The following TRERF1 variants were observed in gnomAD, a reference collection of about 807,000 sequenced individuals.
TRERF1 encodes the protein transcriptional-regulating factor 1.
A neutral mutation model predicts 122.9 loss-of-function variants in TRERF1; 27 were observed. The observed-to-expected ratio is 0.22, with a 90% CI of 0.16 to 0.30. The LOEUF (loss-of-function observed/expected upper bound fraction) is 0.30. Among genes scored for constraint, TRERF1 ranks in the 10% least tolerant of loss-of-function variants. The probability of loss-of-function intolerance (pLI) is 1.00; values close to 1 mark genes in which losing one functional copy is unlikely to be tolerated. For missense variants in TRERF1, 1,248 were observed against 1,560.3 expected (o/e 0.80, Z 3.37); for synonymous variants, 636 against 641.7 (o/e 0.99, Z 0.13).
intron 2 of TRERF1, among the ~76,000 whole-genome samples, chr6:42,369,949 A>C (rs1417481521): frequency 6.6e-6 from 1 of 151,948 alleles, no homozygotes; most frequent in African/African-American, 2.4e-5. Context: ...GTCCCTCTAA[A>C]CCTACCCTTC....
chr6:42,382,872 C>T (rs1776179879), intron 2 of TRERF1, among the ~76,000 whole-genome samples: 1 of 152,052 alleles, frequency 6.6e-6, no homozygotes, highest in South Asian at 2.1e-4. Flanking sequence ...CTCTCCATCT[C>T]CCAGGACACA....
rs893594749 is a variant in TRERF1, at chr6:42,259,411, C to A, written c.2197G>T (p.Gly733Cys). The A allele has an allele frequency of 6.4e-7, 1 of 1,550,718 alleles. No individual in the cohort carries two copies. Among genetic ancestry groups the A allele is most frequent in the Non-Finnish European group, 8.6e-7 (1 of 1,156,608 alleles). Residue 733 changes from glycine to cysteine, a missense_variant, in exon 9 of 18, where the codon GGC becomes TGC. Physicochemically the swap from Gly to Cys is radical, Grantham distance 159. Transcript: ENST00000372922. This position sits in a 1 kb window ranked among gnomAD's most constrained non-coding sequence, Gnocchi z 4.9. The stretch of plus-strand genomic sequence containing the variant: ...GGCAGCTGCGGGTGGGCGCCAGGGC[C>A]GTGGCCGGAGATGAGGACATTGCTG...
chr6:42,367,542 G>A (rs1173665020), intron 2 of TRERF1, among the ~76,000 whole-genome samples: 1 of 152,194 alleles, frequency 6.6e-6, no homozygotes, highest in African/African-American at 2.4e-5. Flanking sequence ...TCTGTGTGGA[G>A]GAGAGGCGTG....
At position 42,268,911 on chromosome 6, in the gene TRERF1, G is replaced by A; in HGVS notation, c.680C>T (p.Pro227Leu). 6.2e-7 allele frequency: 1 copy of A among 1,613,260 alleles called. No homozygotes were observed. The highest frequency in any genetic ancestry group is 8.5e-7 in the Non-Finnish European group (1 of 1,179,324). Residue 227 changes from proline (P) to leucine (L), a missense_variant, in exon 5 of 18, where the codon CCT becomes CTT. Pro to Leu is a moderately conservative substitution (Grantham distance 98). Around this residue, in one of 5 missense-constraint regions of TRERF1, gnomAD observed 946 missense variants for 1,073.0 expected, o/e 0.88. Transcript: ENST00000372922. The surrounding 1 kb of genome is among the most constrained non-coding windows in gnomAD (Gnocchi z 4.4). ...GTCATAATACAGGTGCCCTTGGGTA[G>A]GGTGCTGCCCGACCTGAAGAGCTGG...
At chr6:42,338,405 C>G (rs564093503) in intron 3 of TRERF1, among the ~76,000 whole-genome samples, 11 of 152,080 alleles carry the variant, frequency 7.2e-5, no homozygotes, top group Non-Finnish European at 1.0e-4. Flanking sequence ...CCCGCACACA[C>G]GCATGTGCAC....
chr6:42,373,862 T>C (rs1581855197), intron 2 of TRERF1, among the ~76,000 whole-genome samples: 1 of 140,940 alleles, frequency 7.1e-6, no homozygotes, highest in Non-Finnish European at 1.5e-5. Context: ...AGGCCGGGCG[T>C]GGTGGCTCAC....
At chr6:42,283,650 CTT>C (rs1782697112) in intron 4 of TRERF1, among the ~76,000 whole-genome samples, 1 of 105,690 alleles carries the variant, frequency 9.5e-6, no homozygotes, top group Non-Finnish European at 1.8e-5. Flanking sequence ...GAGTTTTGCT[CTT>C]GTTGCCTAGG....
At chr6:42,334,675 C>A (rs1419758221) in intron 3 of TRERF1, among the ~76,000 whole-genome samples, 1 of 152,168 alleles carries the variant, frequency 6.6e-6, no homozygotes, top group Non-Finnish European at 1.5e-5. Context: ...GCTTATGGCC[C>A]CAACTCCCTC....
chr6:42,443,012 T>C lies in TRERF1; in HGVS notation c.-454+8165A>G, dbSNP rs141922485. Among the ~76,000 whole-genome samples the C allele has an allele frequency of 8.5e-5, 13 of 152,376 alleles. No individual in the cohort carries two copies. In the East Asian group the frequency reaches 2.3e-3, roughly 27 times the overall value. On this transcript the variant is annotated intron_variant, in intron 2 of 17. Transcript: ENST00000372922. ...GTTGTTGCAGAACACAAATAAGATA[T>C]GTCAAAGAGGCTTTGGAACTACAAA...
intron 3 of TRERF1, among the ~76,000 whole-genome samples, chr6:42,337,246 T>A (rs916634438): frequency 6.6e-6 from 1 of 152,188 alleles, no homozygotes; most frequent in East Asian, 1.9e-4. Flanking sequence ...CTGGACCAGC[T>A]GTGTGCAGCC....
At chr6:42,433,772 C>T (rs1248535826) in intron 2 of TRERF1, among the ~76,000 whole-genome samples, 1 of 152,108 alleles carries the variant, frequency 6.6e-6, no homozygotes, top group Non-Finnish European at 1.5e-5. Flanking sequence ...AATCCCAGCA[C>T]TTTGGGAGGC....
At position 42,269,821 on chromosome 6, in the gene TRERF1, C is replaced by A; in HGVS notation, c.-231G>T. 4 of 1,235,150 alleles carry A rather than the reference C, an allele frequency of 3.2e-6. No individual in the cohort carries two copies. The highest frequency in any genetic ancestry group is 4.3e-6 in the Non-Finnish European group (4 of 932,106). The allele number at this position is 1,235,150 out of a possible 1,614,324, so 76.5% of individuals were successfully genotyped here. ...CCTGGCTGAGGTATAGACCACACAG[C>A]ACTGTGGTGAGGAGACGTCGCTCAC... On this transcript the variant is annotated 5_prime_UTR_variant, in exon 5 of 18. Coordinates refer to ENST00000372922, the Ensembl canonical transcript of TRERF1. This position sits in a 1 kb window ranked among gnomAD's most constrained non-coding sequence, Gnocchi z 4.9.
chr6:42,408,237 GTATGTATATATACATACACA>G (rs1780512870), intron 2 of TRERF1, among the ~76,000 whole-genome samples: 4 of 104,760 alleles, frequency 3.8e-5, no homozygotes, highest in Admixed American at 3.5e-4. Context: ...ATGTGTGTGT[GTATGTATATATACATACACA>G]TGTGTGTGTA....
chr6:42,263,623 GA>G lies in TRERF1; in HGVS notation c.1636-56del. ...GGCTGAGAGCAGCTCTCACAAGGGG[GA>G]TGCACTTTGCTTTTCCCGAAAGGTT... On this transcript the variant is annotated intron_variant, in intron 7 of 17. Transcript: ENST00000372922. The surrounding 1 kb of genome is among the most constrained non-coding windows in gnomAD (Gnocchi z 5.6). The G allele has an allele frequency of 7.0e-7, 1 of 1,421,794 alleles. No homozygotes were observed. The highest frequency in any genetic ancestry group is 9.2e-7 in the Non-Finnish European group (1 of 1,081,860). 88.1% of individuals were successfully genotyped at this position (1,421,794 alleles called of 1,614,324 possible). A position where few individuals can be genotyped will look rare whatever the true frequency, so the allele number is the denominator to read the frequency against.
intron 15 of TRERF1, among the ~76,000 whole-genome samples, chr6:42,241,921 G>A (rs1018449386): frequency 7.9e-5 from 12 of 152,138 alleles, no homozygotes; most frequent in African/African-American, 2.9e-4. Context: ...AAAGTGAGAC[G>A]TTGTCTCTAC....
At chr6:42,436,072 G>A (rs920867153) in intron 2 of TRERF1, among the ~76,000 whole-genome samples, 1 of 151,916 alleles carries the variant, frequency 6.6e-6, no homozygotes, top group African/African-American at 2.4e-5. Flanking sequence ...GAGTCCATAT[G>A]AAAGGATAAT....
At chr6:42,310,792 T>C (rs141671686) in intron 3 of TRERF1, among the ~76,000 whole-genome samples, 1 of 152,294 alleles carries the variant, frequency 6.6e-6, no homozygotes, top group African/African-American at 2.4e-5. Flanking sequence ...TCTGAGAAGC[T>C]ACTCTCCAAG....
chr6:42,399,462 T>C (rs1779087658), intron 2 of TRERF1, among the ~76,000 whole-genome samples: 1 of 152,052 alleles, frequency 6.6e-6, no homozygotes, highest in Non-Finnish European at 1.5e-5. Flanking sequence ...TCTGCTTGCA[T>C]GAAAGGAAGA....
At chr6:42,380,769 A>G (rs1232465807) in intron 2 of TRERF1, among the ~76,000 whole-genome samples, 1 of 152,174 alleles carries the variant, frequency 6.6e-6, no homozygotes, top group Non-Finnish European at 1.5e-5. Context: ...AAGATTACAA[A>G]GGGCAACCAC....
Sources: gnomAD v4.1 joint callset for allele counts (sites outside exome capture counted in the v4.1 genomes callset) on GRCh38, gnomAD v4.1.1 for gene constraint, gnomAD v4.1.1 regional missense constraint, Gnocchi (gnomAD v3.1) non-coding constraint, MANE v1.5 for transcripts, NCBI Gene and HGNC (gene_info 2026-07-23, HGNC 2026-07-21) for gene names.